Variants in C17orf58 observed in about 807,000 individuals in gnomAD.
C17orf58 encodes the protein chromosome 17 open reading frame 58.
C17orf58 carries 5 observed loss-of-function variants against 7.4 expected under a neutral mutation model. The ratio of observed to expected loss-of-function variants is 0.67; its 90% CI spans 0.35 to 1.42. The LOEUF is 1.42. Among genes scored for constraint, C17orf58 ranks in the 40% most tolerant of loss-of-function variants. The pLI, the probability that C17orf58 is intolerant of heterozygous loss-of-function variation, is 0.04. For missense variants in C17orf58, 162 were observed against 174.2 expected, an observed-to-expected ratio of 0.93 and a Z score of 0.40; for synonymous variants, 60 against 70.6, an observed-to-expected ratio of 0.85 and a Z score of 0.75.
chr17:67,993,192 G>T lies in C17orf58; in HGVS notation c.681C>A (p.Gly227=). 6.2e-7 allele frequency: 1 copy of T among 1,610,848 alleles called. No individual in the cohort carries two copies. Among genetic ancestry groups the T allele is most frequent in the Non-Finnish European group, 8.5e-7 (1 of 1,178,054 alleles). Residue 227 remains glycine (G), a synonymous_variant, in exon 3 of 4, where the codon GGC becomes GGA. Transcript: ENST00000580729. The surrounding 1 kb of genome is among the most constrained non-coding windows in gnomAD (Gnocchi z 5.1). ...CCACCAGCAGGGTCACCAGCCGGAT[G>T]CCCGCGCCCAGCACGTCCACATCGT... ...IVHDVDVLGA[G]IRLVTLLVDR...
chr17:67,994,512 G>GAATA (rs782617371), intron 1 of C17orf58, among the ~76,000 whole-genome samples: 1 of 85,568 alleles, frequency 1.2e-5, no homozygotes, highest in Non-Finnish European at 2.6e-5. Context: ...GTGTGTGTGT[G>GAATA]TGTGTATATA....
chr17:67,994,536 A>AT (rs1555699626), intron 1 of C17orf58, among the ~76,000 whole-genome samples: 103 of 79,494 alleles, frequency 1.3e-3, no homozygotes, highest in Middle Eastern at 6.4e-3. Flanking sequence ...ATATATATAT[A>AT]AAACATATAT....
Position 67,991,919 on chromosome 17 carries a change from G to T in C17orf58, c.1014C>A (p.Cys338Ter). The change falls in exon 4 of 4, where the codon TGC becomes TGA. Residue 338 changes from cysteine to a stop codon, truncating the protein, a stop_gained. Transcript: ENST00000580729. LOFTEE classifies it high-confidence loss of function. ...GQIQGAIHTQ[C>*]I is the part of the protein sequence containing the mutation. ...AAATGCCAGGATGGTTGTTTCAAAT[G>T]CATTGGGTATGAATTGCACCTTGAA... The T allele has an allele frequency of 6.2e-7, 1 of 1,600,366 alleles. No individual in the cohort carries two copies. Among genetic ancestry groups the T allele is most frequent in the Non-Finnish European group, 8.5e-7 (1 of 1,172,968 alleles).
chr17:67,994,494 G>GTA (rs1491292790), intron 1 of C17orf58, among the ~76,000 whole-genome samples: 4 of 82,830 alleles, frequency 4.8e-5, no homozygotes, highest in African/African-American at 1.9e-4. Context: ...GTGCGTGTGC[G>GTA]TGTGTGTGTG....
Position 67,991,805 on chromosome 17 carries a change from G to C in C17orf58, c.*108C>G. On this transcript the variant is annotated 3_prime_UTR_variant, in exon 4 of 4. Transcript: ENST00000580729. ...AGCTATGCAAGTCATTCACAGAGTA[G>C]CTGAGGGCTCTCTTCTGAAGGAGGA... The C allele has an allele frequency of 1.1e-6, 1 of 876,010 alleles. No individual in the cohort carries two copies. Among genetic ancestry groups the C allele is most frequent in the Non-Finnish European group, 1.7e-6 (1 of 572,880 alleles). The allele number at this position is 876,010 out of a possible 1,614,324, so 54.3% of individuals were successfully genotyped here.
intron 1 of C17orf58, among the ~76,000 whole-genome samples, chr17:67,995,667 A>G (rs1555699725): frequency 6.6e-6 from 1 of 152,198 alleles, no homozygotes; most frequent in East Asian, 1.9e-4. Flanking sequence ...CGGGGAGAGC[A>G]AAGTGCCCGG....
chr17:67,995,198 A>G (rs1197158673), intron 1 of C17orf58, among the ~76,000 whole-genome samples: 1 of 152,208 alleles, frequency 6.6e-6, no homozygotes, highest in African/African-American at 2.4e-5. Context: ...CCCAGCAATA[A>G]TAGCTGGTTA....
At position 67,991,962 on chromosome 17, in the gene C17orf58, C is replaced by A; in HGVS notation, c.971G>T (p.Arg324Leu). ...SSSSYVKRFN[R>L]KREGQIQGAI... ...ACCTTGAATCTGCCCTTCCCTTTTT[C>A]GATTAAACCTTTTCACATAGCTGCT... The change falls in exon 4 of 4, where the codon CGA (arginine) becomes CTA (leucine). Residue 324 changes from arginine to leucine, a missense_variant. By Grantham distance (102) the Arg-to-Leu change is moderately radical (BLOSUM62 -2). Transcript: ENST00000580729. The A allele has an allele frequency of 6.2e-7, 1 of 1,611,690 alleles. No homozygotes were observed. Among genetic ancestry groups the A allele is most frequent in the Non-Finnish European group, 8.5e-7 (1 of 1,179,048 alleles).
Position 67,993,170 on chromosome 17 carries a change from C to A in C17orf58, c.703G>T (p.Val235Leu). 1.2e-6 allele frequency: 2 copies of A among 1,612,814 alleles called. No homozygotes were observed. The highest frequency in any genetic ancestry group is 1.7e-6 in the Non-Finnish European group (2 of 1,179,110). ...ATCTTGTACAGCCCGTCCCGATCCACCAGCAGGGTCACCAGCCGGATGCCC... is the reference window on the plus strand; with the variant it reads ...ATCTTGTACAGCCCGTCCCGATCCAACAGCAGGGTCACCAGCCGGATGCCC... ...GAGIRLVTLL[V>L]DRDGLYKMNR... Residue 235 changes from valine (V) to leucine (L), a missense_variant, in exon 3 of 4, where the codon GTG becomes TTG. Physicochemically the swap from Val to Leu is conservative, Grantham distance 32 (BLOSUM62 1). Coordinates refer to ENST00000580729, the MANE Select transcript of C17orf58 (RefSeq NM_001382359.1). This position sits in a 1 kb window ranked among gnomAD's most constrained non-coding sequence, Gnocchi z 5.1.
In C17orf58 at chr17:67,992,093, A is replaced by G. The variant is rs1555699318; in HGVS notation, c.840T>C (p.Tyr280=). The part of the protein sequence containing the change: ...PCPEFKPGSR[Y]IVMGHIYHKR... ...TATGGTAGATGTGGCCCATCACAAT[A>G]TACCTGCTGCCTGGACAAAATAACC... is the stretch of plus-strand genomic sequence containing the variant. The change falls in exon 4 of 4, where the codon TAT becomes TAC. Residue 280 remains tyrosine, a synonymous_variant. Transcript: ENST00000580729. 6 of 1,572,942 alleles carry G rather than the reference A, an allele frequency of 3.8e-6. No homozygotes were observed. Among genetic ancestry groups the G allele is most frequent in the Non-Finnish European group, 5.2e-6 (6 of 1,160,620 alleles).
At chr17:67,994,970 G>C (rs1171565052) in intron 1 of C17orf58, among the ~76,000 whole-genome samples, 1 of 152,132 alleles carries the variant, frequency 6.6e-6, no homozygotes, top group Admixed American at 6.5e-5. Context: ...GTAAACCTCA[G>C]CCAGCTTGGG....
intron 1 of C17orf58, among the ~76,000 whole-genome samples, chr17:67,994,535 T>TATATATATATATATAAAA (rs71142122): frequency 6.1e-4 from 61 of 100,236 alleles, no homozygotes; most frequent in Middle Eastern, 5.2e-3. Context: ...TATATATATA[T>TATATATATATATATAAAA]AAAACATATA....
intron 3 of C17orf58, 187 bp downstream of exon 3, chr17:67,992,857 T>TG (rs1488805287): frequency 6.3e-7 from 1 of 1,590,476 alleles, no homozygotes. Flanking sequence ...CCCTTGAGGG[T>TG]GGGGGCTGAC....
At chr17:67,996,036 C>T (rs1555699744) in intron 1 of C17orf58, 87 bp downstream of exon 1, 1 of 398,734 alleles carries the variant, frequency 2.5e-6, no homozygotes, top group Non-Finnish European at 4.4e-6. Context: ...CCCCCCTCCT[C>T]GTCCCACGTT....
chr17:67,991,878 G>A lies in C17orf58; in HGVS notation c.*35C>T. ...TTCATGTCTTGTTGCCGACGTCCAA[G>A]TCTCTTGCGGTCCAGAAATGCCAGG... On this transcript the variant is annotated 3_prime_UTR_variant, in exon 4 of 4. Coordinates refer to ENST00000580729, the MANE Select transcript of C17orf58 (RefSeq NM_001382359.1). The A allele has an allele frequency of 6.5e-7, 1 of 1,546,642 alleles. No homozygotes were observed. Among genetic ancestry groups the A allele is most frequent in the Non-Finnish European group, 8.8e-7 (1 of 1,139,768 alleles).
Position 67,993,333 on chromosome 17 carries a change from G to A in C17orf58, c.637+91C>T. ...TAGCAACCGCGAAACGGCCCGCACGGGTCAGGCGCCCTGGGATCTCGCGGG... is the reference window on the plus strand; with the variant it reads ...TAGCAACCGCGAAACGGCCCGCACGAGTCAGGCGCCCTGGGATCTCGCGGG... On this transcript the variant is annotated intron_variant, in intron 2 of 3. Coordinates refer to ENST00000580729, the MANE Select transcript of C17orf58 (RefSeq NM_001382359.1). This position sits in a 1 kb window ranked among gnomAD's most constrained non-coding sequence, Gnocchi z 5.1. 1 of 727,912 alleles carries A rather than the reference G, an allele frequency of 1.4e-6. No homozygotes were observed. Among genetic ancestry groups the A allele is most frequent in the Non-Finnish European group, 2.3e-6 (1 of 443,742 alleles). The allele number at this position is 727,912 out of a possible 1,614,324, so 45.1% of individuals were successfully genotyped here. A position where few individuals can be genotyped will look rare whatever the true frequency, so the allele number is the denominator to read the frequency against.
chr17:67,996,001 G>A (rs1555699741), intron 1 of C17orf58, 122 bp downstream of exon 1: 1 of 397,632 alleles, frequency 2.5e-6, no homozygotes, highest in African/African-American at 2.1e-5. Flanking sequence ...CGCAGACCCG[G>A]GGTGTCCTCT....
intron 1 of C17orf58, among the ~76,000 whole-genome samples, chr17:67,994,451 C>T (rs1459494096): frequency 1.4e-5 from 2 of 147,662 alleles, no homozygotes; most frequent in Non-Finnish European, 1.5e-5. Context: ...CTTTTTTGCC[C>T]TTCCTTTAAT....
rs2070858063 is a variant in C17orf58, at chr17:67,993,425, G to A, written c.636C>T (p.Phe212=). 7.1e-6 allele frequency: 4 copies of A among 562,746 alleles called. No individual in the cohort carries two copies. Among genetic ancestry groups the A allele is most frequent in the Non-Finnish European group, 1.2e-5 (4 of 320,594 alleles). The allele number at this position is 562,746 out of a possible 1,614,324, so 34.9% of individuals were successfully genotyped here. The change falls in exon 2 of 4, where the codon TTC becomes TTT. Residue 212 remains phenylalanine, a splice_region_variant and synonymous_variant. Transcript: ENST00000580729. This position sits in a 1 kb window ranked among gnomAD's most constrained non-coding sequence, Gnocchi z 5.1. ...DEREAFCESE[F]AVNGIVHDVD... ...CGGCGGCGCGGCGGCCGGGCTCACC[G>A]AATTCGCTCTCGCAGAACGCCTCGC...
Sources: allele counts gnomAD v4.1 joint callset (sites outside exome capture counted in the v4.1 genomes callset), GRCh38; gene constraint gnomAD v4.1.1; non-coding constraint Gnocchi (gnomAD v3.1); transcripts MANE v1.5; gene names NCBI Gene and HGNC (gene_info 2026-07-23, HGNC 2026-07-21).